SAMD3: variants seen among roughly 807,000 people sequenced by gnomAD.
The protein encoded by SAMD3 is sterile alpha motif domain containing 3.
In SAMD3, 63 loss-of-function variants were observed where a neutral mutation model predicts 58.5. The ratio of observed to expected loss-of-function variants is 1.08; its 90% confidence interval spans 0.88 to 1.33. SAMD3 has a LOEUF of 1.33. Ranked by LOEUF, SAMD3 falls within the 40% of genes most tolerant of loss-of-function variation. SAMD3 has a pLI of 0.00. For missense variants in SAMD3, 604 were observed against 608.4 expected, an observed-to-expected ratio of 0.99 and a Z score of 0.08; for synonymous variants, 220 against 210.3, an observed-to-expected ratio of 1.05 and a Z score of -0.40.
chr6:130,334,450 T>C (rs1396705065), intron 1 of SAMD3, among the ~76,000 whole-genome samples: 2 of 152,224 alleles, frequency 1.3e-5, no homozygotes, highest in Non-Finnish European at 1.5e-5. Flanking sequence ...CCTCTTTCAT[T>C]TTACAGATGA....
At chr6:130,219,194 A>G (rs1796121252) in intron 1 of SAMD3, among the ~76,000 whole-genome samples, 1 of 152,208 alleles carries the variant, frequency 6.6e-6, no homozygotes, top group Non-Finnish European at 1.5e-5. Flanking sequence ...TTTTTTTCAT[A>G]CATCACGGTC....
At chr6:130,362,964 T>G (rs1274202682) in intron 1 of SAMD3, among the ~76,000 whole-genome samples, 1 of 152,210 alleles carries the variant, frequency 6.6e-6, no homozygotes, top group Non-Finnish European at 1.5e-5. Flanking sequence ...TTAAATATAT[T>G]TCCTCTACCT....
In SAMD3 at chr6:130,272,166, G is replaced by A. The variant is rs529442557; in HGVS notation, c.-188+40812C>T. On this transcript the variant is annotated intron_variant, in intron 2 of 13. Transcript: ENST00000368134. ...CCCTTGTAAGTTATTTTTGTGAAAA[G>A]AGTAAAGGAAACATCCAGTTATATT... Among the ~76,000 whole-genome samples, 3 of 152,292 alleles carry A rather than the reference G, an allele frequency of 2.0e-5. No individual in the cohort carries two copies. In the East Asian group the frequency reaches 5.8e-4, roughly 29 times the overall value.
intron 1 of SAMD3, among the ~76,000 whole-genome samples, chr6:130,363,814 T>A (rs1778054420): frequency 6.6e-6 from 1 of 152,192 alleles, no homozygotes; most frequent in South Asian, 2.1e-4. Context: ...AAAAATATTA[T>A]GTGTGAAGTG....
chr6:130,321,001 T>A (rs1776566978), intron 1 of SAMD3, among the ~76,000 whole-genome samples: 1 of 152,226 alleles, frequency 6.6e-6, no homozygotes, highest in South Asian at 2.1e-4. Flanking sequence ...GCTCCTTACT[T>A]CATTCTAGCC....
At chr6:130,228,571 T>C (rs1796451381) in intron 2 of SAMD3, among the ~76,000 whole-genome samples, 2 of 152,208 alleles carry the variant, frequency 1.3e-5, no homozygotes, top group Admixed American at 1.3e-4. Context: ...GTCATAGGTA[T>C]TTTTTAAAGC....
chr6:130,244,337 G>T (rs1050075789), intron 2 of SAMD3, among the ~76,000 whole-genome samples: 1 of 152,128 alleles, frequency 6.6e-6, no homozygotes, highest in African/African-American at 2.4e-5. Flanking sequence ...TGAAGAACAG[G>T]CTCAAGGTCA....
At chr6:130,273,861 C>T (rs1486996654) in intron 2 of SAMD3, among the ~76,000 whole-genome samples, 4 of 152,140 alleles carry the variant, frequency 2.6e-5, no homozygotes, top group African/African-American at 9.6e-5. Context: ...ACTTCATTAA[C>T]GAATTTTTGT....
chr6:130,151,982 T>G (rs1041126235), intron 9 of SAMD3, among the ~76,000 whole-genome samples: 1 of 152,206 alleles, frequency 6.6e-6, no homozygotes, highest in Non-Finnish European at 1.5e-5. Context: ...ATATTTTAGA[T>G]AATCTAATAA....
At chr6:130,308,807 A>T (rs1285628176) in intron 2 of SAMD3, among the ~76,000 whole-genome samples, 1 of 152,178 alleles carries the variant, frequency 6.6e-6, no homozygotes, top group Non-Finnish European at 1.5e-5. Flanking sequence ...AATGAGAGTT[A>T]TAAATCTACC....
chr6:130,276,722 G>T (rs948041712), intron 2 of SAMD3, among the ~76,000 whole-genome samples: 2 of 152,074 alleles, frequency 1.3e-5, no homozygotes, highest in East Asian at 1.9e-4. Context: ...TTGCAGTAGA[G>T]AAAGAGTTTA....
intron 2 of SAMD3, among the ~76,000 whole-genome samples, chr6:130,277,980 G>C (rs1433243018): frequency 6.6e-6 from 1 of 152,088 alleles, no homozygotes; most frequent in Non-Finnish European, 1.5e-5. Flanking sequence ...GACTAACAAA[G>C]TAGCCACAAG....
At chr6:130,145,665 G>A (rs1472482458) in intron 10 of SAMD3, among the ~76,000 whole-genome samples, 1 of 152,124 alleles carries the variant, frequency 6.6e-6, no homozygotes, top group East Asian at 1.9e-4. Context: ...CCATCAGCCA[G>A]GAAGAATTTA....
At chr6:130,190,628 T>C (rs2114735693) in intron 5 of SAMD3, among the ~76,000 whole-genome samples, 1 of 151,976 alleles carries the variant, frequency 6.6e-6, no homozygotes, top group Non-Finnish European at 1.5e-5. Flanking sequence ...TGAAGACAGA[T>C]CAACAGAAAT....
chr6:130,147,038 A>G (rs1038366621), intron 9 of SAMD3, among the ~76,000 whole-genome samples: 15 of 152,108 alleles, frequency 9.9e-5, no homozygotes, highest in African/African-American at 3.1e-4. Flanking sequence ...AAGCAAAACC[A>G]GTTTACTTTA....
intron 2 of SAMD3, among the ~76,000 whole-genome samples, chr6:130,265,072 T>C (rs1474280154): frequency 1.3e-5 from 2 of 152,214 alleles, no homozygotes; most frequent in African/African-American, 2.4e-5. Context: ...GTGACTTTAA[T>C]AAATACCAAA....
intron 2 of SAMD3, among the ~76,000 whole-genome samples, chr6:130,267,670 A>G (rs899302825): frequency 5.9e-5 from 9 of 152,208 alleles, no homozygotes; most frequent in Non-Finnish European, 1.2e-4. Context: ...TAAGCCTGGT[A>G]GTTAAAATTT....
intron 8 of SAMD3, among the ~76,000 whole-genome samples, chr6:130,158,301 C>G (rs1477407289): frequency 6.6e-6 from 1 of 152,056 alleles, no homozygotes; most frequent in Non-Finnish European, 1.5e-5. Flanking sequence ...GGGAAAGTAT[C>G]AAGACATTTT....
At chr6:130,171,193 T>A (rs1791216731) in intron 8 of SAMD3, among the ~76,000 whole-genome samples, 1 of 152,246 alleles carries the variant, frequency 6.6e-6, no homozygotes, top group African/African-American at 2.4e-5. Flanking sequence ...TCTATTGAGA[T>A]AGGCATGTGG....
Sources: gnomAD v4.1 joint callset for allele counts (sites outside exome capture counted in the v4.1 genomes callset) on GRCh38, gnomAD v4.1.1 for gene constraint, MANE v1.5 for transcripts, NCBI Gene and HGNC (gene_info 2026-07-23, HGNC 2026-07-21) for gene names.